BICRA: variants seen among roughly 807,000 people sequenced by gnomAD.
BICRA encodes BRD4 interacting chromatin remodeling complex associated protein.
Under a neutral mutation model 96.9 loss-of-function variants are expected in BICRA, and 31 were observed. The ratio of observed to expected loss-of-function variants is 0.32; its 90% CI spans 0.24 to 0.43. The LOEUF is 0.43. Ranked by LOEUF, BICRA falls within the 20% of genes least tolerant of loss-of-function variation. The pLI is 1.00. For synonymous variants in BICRA, 1,350 were observed against 1,071.8 expected, an observed-to-expected ratio of 1.26 and a Z score of -5.07; for missense variants, 2,283 against 2,190.3, an observed-to-expected ratio of 1.04 and a Z score of -0.84.
Position 47,682,029 on chromosome 19 carries a change from C to A in BICRA, c.2160C>A (p.Ala720=). The change falls in exon 7 of 15, where the codon GCC becomes GCA. Residue 720 remains alanine, a synonymous_variant. Coordinates refer to ENST00000594866, the MANE Select transcript of BICRA (RefSeq NM_001394372.1). ...AGGGCCCCCACCTCTCCGTGCCTGC[C>A]TCGGTCATAGTCAGCGCCCCGCCTC... ...SAEGPHLSVP[A]SVIVSAPPPA... 6.4e-7 allele frequency: 1 copy of A among 1,570,404 alleles called. No individual in the cohort carries two copies. Among genetic ancestry groups the A allele is most frequent in the Non-Finnish European group, 8.6e-7 (1 of 1,161,026 alleles).
chr19:47,669,113 TAAATAAAATA>T (rs772359104), intron 1 of BICRA, among the ~76,000 whole-genome samples: 3 of 151,260 alleles, frequency 2.0e-5, no homozygotes, highest in Non-Finnish European at 2.9e-5. Context: ...CACAAAAAAA[TAAATAAAATA>T]AAATAAAATA....
At chr19:47,651,395 G>T (rs528042247) in intron 1 of BICRA, among the ~76,000 whole-genome samples, 8 of 152,132 alleles carry the variant, frequency 5.3e-5, no homozygotes, top group South Asian at 2.1e-4. Flanking sequence ...CCTGGAGCCC[G>T]CTCTCCTGGG....
rs1463440392 is a variant in BICRA, at chr19:47,698,253, G to A, written c.3249-381G>A. Reference sequence around the variant, plus strand: ...CAGCCTCCCTCCCTTCTTCCCGAAGGCTGCACTTTGGAGGAGGCACGGTGG... The same window carrying A: ...CAGCCTCCCTCCCTTCTTCCCGAAGACTGCACTTTGGAGGAGGCACGGTGG... On this transcript the variant is annotated intron_variant, in intron 11 of 14. Coordinates refer to ENST00000594866, the MANE Select transcript of BICRA (RefSeq NM_001394372.1). The surrounding 1 kb of genome is among the most constrained non-coding windows in gnomAD (Gnocchi z 4.8). 6.6e-6 allele frequency among the ~76,000 whole-genome samples: 1 copy of A among 152,158 alleles called. No individual in the cohort carries two copies. The highest frequency in any genetic ancestry group is 1.5e-5 in the Non-Finnish European group (1 of 68,020).
Position 47,694,962 on chromosome 19 carries a change from C to T in BICRA, c.2958C>T (p.Ser986=), listed in dbSNP as rs773030539. 7 of 1,555,432 alleles carry T rather than the reference C, an allele frequency of 4.5e-6. No individual in the cohort carries two copies. Among genetic ancestry groups the T allele is most frequent in the Non-Finnish European group, 6.0e-6 (7 of 1,157,812 alleles). ...GGGCCCCTGCCGCCCCGCAGACCTC[C>T]ACCAGCCTGGGGCCCCTCACCAGCC... is the stretch of plus-strand genomic sequence containing the variant. The part of the protein sequence containing the change: ...AGGAPAAPQT[S]TSLGPLTSPA... Residue 986 remains serine (S), a synonymous_variant, in exon 9 of 15, where the codon TCC becomes TCT. Transcript: ENST00000594866.
intron 7 of BICRA, among the ~76,000 whole-genome samples, chr19:47,682,742 G>C (rs954153855): frequency 6.6e-6 from 1 of 151,482 alleles, no homozygotes; most frequent in African/African-American, 2.4e-5. Flanking sequence ...CGCGATCTTG[G>C]CTCACTGCAA....
At chr19:47,613,084 C>A (rs368381016) in intron 1 of BICRA, among the ~76,000 whole-genome samples, 1 of 152,100 alleles carries the variant, frequency 6.6e-6, no homozygotes, top group Non-Finnish European at 1.5e-5. Flanking sequence ...TAGAGGGTCT[C>A]CCGGCTGACT....
In BICRA at chr19:47,675,866, C is replaced by T; in HGVS notation, c.100C>T (p.Leu34Phe). The T allele has an allele frequency of 6.2e-7, 1 of 1,607,940 alleles. No individual in the cohort carries two copies. Among genetic ancestry groups the T allele is most frequent in the Non-Finnish European group, 8.5e-7 (1 of 1,176,730 alleles). Residue 34 changes from leucine to phenylalanine, a missense_variant, in exon 5 of 15, where the codon CTC (leucine) becomes TTC (phenylalanine). Physicochemically the swap from Leu to Phe is conservative, Grantham distance 22. Transcript: ENST00000594866. This position sits in a 1 kb window ranked among gnomAD's most constrained non-coding sequence, Gnocchi z 4.7. Reference protein sequence around the residue: ...HGSEKLDSDDLLDNPGEAQSA... With the variant: ...HGSEKLDSDDFLDNPGEAQSA... ...CTTGTTGCAGCTTGACAGTGATGAC[C>T]TCCTGGATAATCCCGGGGAGGCCCA...
chr19:47,695,296 T>C (rs1316609382), intron 9 of BICRA, 69 bp from the exon 10 acceptor site: 5 of 832,402 alleles, frequency 6.0e-6, no homozygotes, highest in Non-Finnish European at 1.0e-5. Context: ...AGGATGGGGC[T>C]CCCGTTTGAG....
At chr19:47,659,441 C>G (rs10853791) in intron 1 of BICRA, among the ~76,000 whole-genome samples, 71,147 of 151,720 alleles carry the variant, frequency 0.47, 17,312 homozygotes, top group East Asian at 0.76. Flanking sequence ...TATCCAGGGC[C>G]CAGCCAGCTC....
chr19:47,633,557 C>T (rs1972253705), intron 1 of BICRA, among the ~76,000 whole-genome samples: 1 of 152,182 alleles, frequency 6.6e-6, no homozygotes, highest in African/African-American at 2.4e-5. Flanking sequence ...CTTAGTCTTC[C>T]TCTAGGACTA....
chr19:47,695,521 G>A (rs758102595), intron 10 of BICRA, 47 bp downstream of exon 10: 10 of 832,814 alleles, frequency 1.2e-5, no homozygotes, highest in East Asian at 1.1e-4. Flanking sequence ...AGGAGTCTTC[G>A]GGAACTGGGA....
chr19:47,620,150 C>A (rs1210573390), intron 1 of BICRA, among the ~76,000 whole-genome samples: 1 of 152,116 alleles, frequency 6.6e-6, no homozygotes, highest in Non-Finnish European at 1.5e-5. Flanking sequence ...TTAAGAAATT[C>A]TTTCCCGTGA....
intron 1 of BICRA, among the ~76,000 whole-genome samples, chr19:47,669,793 A>G (rs1431220245): frequency 1.3e-5 from 2 of 150,808 alleles, no homozygotes. Flanking sequence ...AGTAGCTGGG[A>G]CTACAGGCGC....
intron 1 of BICRA, among the ~76,000 whole-genome samples, chr19:47,611,789 C>T (rs903792454): frequency 1.3e-5 from 2 of 152,086 alleles, no homozygotes; most frequent in Non-Finnish European, 2.9e-5. Flanking sequence ...AAAGTATTAT[C>T]CAAACGTGTC....
intron 9 of BICRA, 102 bp downstream of exon 9, chr19:47,695,182 C>A: frequency 2.4e-6 from 2 of 849,910 alleles, no homozygotes; most frequent in Non-Finnish European, 3.6e-6. Context: ...TGGGACTCAG[C>A]ACAGGGCATC....
chr19:47,620,833 T>C (rs2913991), intron 1 of BICRA, among the ~76,000 whole-genome samples: 132,558 of 151,956 alleles, frequency 0.87, 57,942 homozygotes, highest in Admixed American at 0.9. Context: ...TGTCTCTGAG[T>C]AGTTCTTTTG....
intron 1 of BICRA, among the ~76,000 whole-genome samples, chr19:47,614,212 C>G (rs557514696): frequency 6.6e-6 from 1 of 152,258 alleles, no homozygotes; most frequent in East Asian, 1.9e-4. Flanking sequence ...AAGATGGTGT[C>G]TCTCCCTCTA....
chr19:47,675,503 G>T lies in BICRA; in HGVS notation c.85-348G>T, dbSNP rs1972926689. 6.6e-6 allele frequency among the ~76,000 whole-genome samples: 1 copy of T among 152,220 alleles called. No homozygotes were observed. The highest frequency in any genetic ancestry group is 1.5e-5 in the Non-Finnish European group (1 of 68,034). On this transcript the variant is annotated intron_variant, in intron 4 of 14. Transcript: ENST00000594866. The surrounding 1 kb of genome is among the most constrained non-coding windows in gnomAD (Gnocchi z 4.7). ...AGGGACAGGAGCTGTTGGACCACGA[G>T]TGACCACTCCTGAAGGCTGTGCTAC...
chr19:47,702,772 G>A lies in BICRA; in HGVS notation c.*357G>A, dbSNP rs1973489340. 6.7e-6 allele frequency: 2 copies of A among 297,806 alleles called. No homozygotes were observed. 18.4% of individuals were successfully genotyped at this position (297,806 alleles called of 1,614,324 possible). On this transcript the variant is annotated 3_prime_UTR_variant, in exon 15 of 15. Coordinates refer to ENST00000594866, the MANE Select transcript of BICRA (RefSeq NM_001394372.1). ...GCCACCGGGTTGATGCCAACGCTCC[G>A]GGTGCCTGTCTTGTCTGTGTGGCTT... is the stretch of plus-strand genomic sequence containing the variant.
Sources: allele counts gnomAD v4.1 joint callset (sites outside exome capture counted in the v4.1 genomes callset), GRCh38; gene constraint gnomAD v4.1.1; non-coding constraint Gnocchi (gnomAD v3.1); transcripts MANE v1.5; gene names NCBI Gene and HGNC (gene_info 2026-07-23, HGNC 2026-07-21).